The following PTCD2 variants were observed in gnomAD, a reference collection of about 807,000 sequenced individuals.
PTCD2 encodes the protein pentatricopeptide repeat domain 2.
A neutral mutation model predicts 42.6 loss-of-function variants in PTCD2; 31 were observed. The observed-to-expected ratio is 0.73, with a 90% CI of 0.55 to 0.98. The LOEUF (loss-of-function observed/expected upper bound fraction) is 0.98, where lower values mean the gene tolerates loss of function less well. Ranked by LOEUF, PTCD2 falls within the 50% of genes least tolerant of loss-of-function variation. The pLI is 0.00. For missense variants in PTCD2, 476 were observed against 454.8 expected, an observed-to-expected ratio of 1.05 and a Z score of -0.42; for synonymous variants, 183 against 170.9, an observed-to-expected ratio of 1.07 and a Z score of -0.55.
intron 3 of PTCD2, among the ~76,000 whole-genome samples, chr5:72,327,564 C>T (rs1751213575): frequency 6.6e-6 from 1 of 151,008 alleles, no homozygotes; most frequent in South Asian, 2.1e-4. Context: ...ACCTCCACCT[C>T]CAGGTTCAAG....
At chr5:72,326,813 C>A in intron 3 of PTCD2, 72 bp downstream of exon 3, 1 of 1,520,738 alleles carries the variant, frequency 6.6e-7, no homozygotes, top group Admixed American at 1.9e-5. Context: ...GCAGTCTGAT[C>A]CACTTCGAAG....
Position 72,338,624 on chromosome 5 carries a change from T to A in PTCD2, c.642T>A (p.Asn214Lys). The A allele has an allele frequency of 2.6e-6, 4 of 1,549,880 alleles. No homozygotes were observed. The highest frequency in any genetic ancestry group is 3.6e-6 in the Non-Finnish European group (4 of 1,125,300). Residue 214 changes from asparagine (N) to lysine (K), a missense_variant and splice_region_variant, in exon 7 of 10, where the codon AAT (asparagine) becomes AAA (lysine). Asn to Lys is a moderately conservative substitution (Grantham distance 94). Coordinates refer to ENST00000380639, the MANE Select transcript of PTCD2 (RefSeq NM_024754.5). ...VLAFAICYKL[N>K]SPESFKICTT... Reference sequence around the variant, plus strand: ...CGAACAATCCTGTCTCCTCACAGAATAGCCCTGAGTCTTTCAAAATCTGTA... The same window carrying A: ...CGAACAATCCTGTCTCCTCACAGAAAAGCCCTGAGTCTTTCAAAATCTGTA...
intron 6 of PTCD2, among the ~76,000 whole-genome samples, chr5:72,336,825 A>C (rs1751770730): frequency 6.6e-6 from 1 of 152,194 alleles, no homozygotes; most frequent in Non-Finnish European, 1.5e-5. Flanking sequence ...TGAAATGATC[A>C]ATGTTTAATG....
rs972044745 is a variant in PTCD2, at chr5:72,363,889, A to G, written c.*5462A>G. The G allele has an allele frequency of 6.6e-6, 1 of 152,352 alleles. No individual in the cohort carries two copies. The highest frequency in any genetic ancestry group is 1.5e-5 in the Non-Finnish European group (1 of 68,038). 9.4% of individuals were successfully genotyped at this position (152,352 alleles called of 1,614,324 possible). On this transcript the variant is annotated 3_prime_UTR_variant, in exon 10 of 10. Transcript: ENST00000380639. ...ACCCACAATTCAAATTTCCTTCATA[A>G]CATTTCTACCTATAAATTTGATTCA... is the stretch of plus-strand genomic sequence containing the variant.
chr5:72,352,802 C>A, intron 9 of PTCD2, 48 bp downstream of exon 9: 1 of 947,804 alleles, frequency 1.1e-6, no homozygotes, highest in Non-Finnish European at 1.7e-6. Flanking sequence ...AAAGGACACT[C>A]TTAAAAATGT....
At position 72,326,705 on chromosome 5, in the gene PTCD2, G is replaced by T. The variant is rs768843741; in HGVS notation, c.314G>T (p.Arg105Leu). 5 of 1,614,094 alleles carry T rather than the reference G, an allele frequency of 3.1e-6. 1 individual carries two copies. In the South Asian group the frequency reaches 5.5e-5, roughly 18 times the overall value. Residue 105 changes from arginine to leucine, a missense_variant, in exon 3 of 10, where the codon CGG becomes CTG. By Grantham distance (102) the Arg-to-Leu change is moderately radical. Transcript: ENST00000380639. ...LITLLHLCES[R>L]DHVELAKNVI... is the part of the protein sequence containing the mutation. ...ACCTTACTACATTTGTGTGAGTCTCGGGACCATGTGGAACTGGCTAAAAAT... is the reference window on the plus strand; with the variant it reads ...ACCTTACTACATTTGTGTGAGTCTCTGGACCATGTGGAACTGGCTAAAAAT...
chr5:72,363,130 G>A lies in PTCD2; in HGVS notation c.*4703G>A, dbSNP rs1753130091. On this transcript the variant is annotated 3_prime_UTR_variant, in exon 10 of 10. Coordinates refer to ENST00000380639, the MANE Select transcript of PTCD2 (RefSeq NM_024754.5). Reference sequence around the variant, plus strand: ...GTTATACTGAAAACAGGAGTCATGGGAGACTTGATCTTGCTTAAAGGATAT... The same window carrying A: ...GTTATACTGAAAACAGGAGTCATGGAAGACTTGATCTTGCTTAAAGGATAT... 6.6e-6 allele frequency: 1 copy of A among 152,232 alleles called. No homozygotes were observed. The highest frequency in any genetic ancestry group is 2.4e-5 in the African/African-American group (1 of 41,458). 9.4% of individuals were successfully genotyped at this position (152,232 alleles called of 1,614,324 possible). A position where few individuals can be genotyped will look rare whatever the true frequency, so the allele number is the denominator to read the frequency against.
chr5:72,347,866 G>T (rs549076847), intron 8 of PTCD2, among the ~76,000 whole-genome samples: 2 of 152,310 alleles, frequency 1.3e-5, no homozygotes, highest in Admixed American at 1.3e-4. Flanking sequence ...AGCAGGAACA[G>T]CTCCTTTCCT....
intron 9 of PTCD2, among the ~76,000 whole-genome samples, chr5:72,357,074 A>T (rs1262929785): frequency 6.6e-6 from 1 of 152,112 alleles, no homozygotes; most frequent in Non-Finnish European, 1.5e-5. Flanking sequence ...TATACTTGTG[A>T]CTCTACTACG....
intron 8 of PTCD2, among the ~76,000 whole-genome samples, chr5:72,344,213 T>G (rs1752231708): frequency 6.6e-6 from 1 of 152,066 alleles, no homozygotes; most frequent in African/African-American, 2.4e-5. Flanking sequence ...GAGCATCTAT[T>G]TAAAAGAATA....
chr5:72,329,734 TCTTC>T (rs1751334049), intron 3 of PTCD2, among the ~76,000 whole-genome samples: 1 of 152,190 alleles, frequency 6.6e-6, no homozygotes, highest in South Asian at 2.1e-4. Flanking sequence ...TGGGTTCTCT[TCTTC>T]CTTCCATTTT....
intron 8 of PTCD2, among the ~76,000 whole-genome samples, chr5:72,352,302 C>G (rs947350779): frequency 6.6e-6 from 1 of 152,114 alleles, no homozygotes; most frequent in Non-Finnish European, 1.5e-5. Context: ...TTCATGTCAC[C>G]ACTCTCGGCT....
intron 6 of PTCD2, among the ~76,000 whole-genome samples, chr5:72,336,841 C>T (rs956510661): frequency 6.6e-6 from 1 of 151,840 alleles, no homozygotes; most frequent in Non-Finnish European, 1.5e-5. Context: ...TAATGTATTA[C>T]TGTTGTCATT....
At chr5:72,346,151 A>G (rs1752346037) in intron 8 of PTCD2, among the ~76,000 whole-genome samples, 1 of 152,256 alleles carries the variant, frequency 6.6e-6, no homozygotes. Flanking sequence ...CCAAGGAACC[A>G]GAAAGATGGA....
chr5:72,357,873 T>G (rs1280830389), intron 9 of PTCD2, among the ~76,000 whole-genome samples: 1 of 151,986 alleles, frequency 6.6e-6, no homozygotes, highest in Non-Finnish European at 1.5e-5. Flanking sequence ...AGACTCACTC[T>G]GTCGCCAAGG....
Position 72,359,480 on chromosome 5 carries a change from C to A in PTCD2, c.*1053C>A, listed in dbSNP as rs756135513. On this transcript the variant is annotated 3_prime_UTR_variant, in exon 10 of 10. Coordinates refer to ENST00000380639, the MANE Select transcript of PTCD2 (RefSeq NM_024754.5). Reference sequence around the variant, plus strand: ...TCTGCCAAGATTGCTGCAGACTCTTCATTGCCACCTCCAAAACTAAGACTG... The same window carrying A: ...TCTGCCAAGATTGCTGCAGACTCTTAATTGCCACCTCCAAAACTAAGACTG... 1.3e-5 allele frequency: 2 copies of A among 152,208 alleles called. No homozygotes were observed. Among genetic ancestry groups the A allele is most frequent in the African/African-American group, 4.8e-5 (2 of 41,438 alleles). 9.4% of individuals were successfully genotyped at this position (152,208 alleles called of 1,614,324 possible).
At chr5:72,329,451 T>C (rs926085825) in intron 3 of PTCD2, among the ~76,000 whole-genome samples, 1 of 152,228 alleles carries the variant, frequency 6.6e-6, no homozygotes, top group Non-Finnish European at 1.5e-5. Context: ...TCTTGAACAT[T>C]TCTTGTCCAG....
intron 2 of PTCD2, among the ~76,000 whole-genome samples, chr5:72,322,614 T>A (rs1750920283): frequency 6.6e-6 from 1 of 152,204 alleles, no homozygotes; most frequent in Non-Finnish European, 1.5e-5. Context: ...AGGCCCCAGA[T>A]CATTCATATG....
At chr5:72,342,231 A>G (rs962527679) in intron 7 of PTCD2, among the ~76,000 whole-genome samples, 7 of 152,158 alleles carry the variant, frequency 4.6e-5, no homozygotes, top group Non-Finnish European at 7.4e-5. Flanking sequence ...AGTTTTGTCT[A>G]CAAGTATGCA....
Sources: gnomAD v4.1 joint callset for allele counts (sites outside exome capture counted in the v4.1 genomes callset) on GRCh38, gnomAD v4.1.1 for gene constraint, MANE v1.5 for transcripts, NCBI Gene and HGNC (gene_info 2026-07-23, HGNC 2026-07-21) for gene names.